Variants in LRP2 observed in about 807,000 individuals in gnomAD.
LRP2 encodes the protein low-density lipoprotein receptor-related protein 2.
A neutral mutation model predicts 531.0 loss-of-function variants in LRP2; 172 were observed. That is an observed-to-expected ratio of 0.32 (90% CI 0.29 to 0.37). The LOEUF is 0.37. Among genes scored for constraint, LRP2 ranks in the 10% least tolerant of loss-of-function variants. LRP2 has a pLI of 1.00. For synonymous variants in LRP2, 1,992 were observed against 2,027.6 expected (o/e 0.98, Z 0.47); for missense variants, 5,167 against 5,868.3 (o/e 0.88, Z 3.90).
In LRP2 at chr2:169,361,514, T is replaced by C. The variant is rs553791496; in HGVS notation, c.79+807A>G. ...CTCTCTCCTCTTCCCTTCTTACTAG[T>C]TTTATTCTCTCCGCTTCTTTCTCCC... is the stretch of plus-strand genomic sequence containing the variant. On this transcript the variant is annotated intron_variant, in intron 1 of 78. Transcript: ENST00000649046. 2.3e-3 allele frequency among the ~76,000 whole-genome samples: 355 copies of C among 152,096 alleles called. 1 individual carries two copies. The highest frequency in any genetic ancestry group is 8.2e-3 in the African/African-American group (342 of 41,464).
chr2:169,204,331 T>C (rs1688304729), intron 41 of LRP2, 60 bp from the exon 42 acceptor site: 3 of 1,530,674 alleles, frequency 2.0e-6, no homozygotes, highest in Non-Finnish European at 2.7e-6. Flanking sequence ...AGTTTTCAAC[T>C]GGCAGCCCAA....
intron 19 of LRP2, among the ~76,000 whole-genome samples, chr2:169,249,858 C>A (rs1690148855): frequency 1.8e-5 from 1 of 55,612 alleles, no homozygotes; most frequent in Non-Finnish European, 3.1e-5. Context: ...GCCTCAGGAG[C>A]CGATGTGATC....
At chr2:169,258,890 A>C in intron 17 of LRP2, 135 bp downstream of exon 17, 1 of 817,296 alleles carries the variant, frequency 1.2e-6, no homozygotes, top group Non-Finnish European at 2.0e-6. Context: ...AAAAGAAATA[A>C]AATTTAAGGT....
At position 169,318,918 on chromosome 2, in the gene LRP2, A is replaced by G. The variant is rs192877666; in HGVS notation, c.188-34T>C. The G allele has an allele frequency of 2.8e-5, 45 of 1,613,562 alleles. No homozygotes were observed. In the African/African-American group the frequency reaches 3.3e-4, roughly 12 times the overall value. On this transcript the variant is annotated intron_variant, in intron 2 of 78. Coordinates refer to ENST00000649046, the MANE Select transcript of LRP2 (RefSeq NM_004525.3). ...AACCAAAAGAGGACTCATTATGGCA[A>G]TCATCCTCCCCATTATACTAGCAAG...
chr2:169,321,393 A>G (rs1305385922), intron 1 of LRP2, among the ~76,000 whole-genome samples: 1 of 152,036 alleles, frequency 6.6e-6, no homozygotes, highest in Admixed American at 6.5e-5. Context: ...AAGTACTTAG[A>G]GAAATACTTA....
chr2:169,343,319 G>T (rs560587532), intron 1 of LRP2, among the ~76,000 whole-genome samples: 1 of 152,270 alleles, frequency 6.6e-6, no homozygotes, highest in Non-Finnish European at 1.5e-5. Flanking sequence ...ACATTTTTTT[G>T]TCTAGTAGTT....
chr2:169,243,173 C>T, intron 23 of LRP2, 101 bp from the exon 24 acceptor site: 2 of 1,031,230 alleles, frequency 1.9e-6, no homozygotes, highest in Non-Finnish European at 3.0e-6. Context: ...TTCTGGAGTA[C>T]ATATGCAGAA....
chr2:169,266,377 G>T (rs1690800733), intron 16 of LRP2, among the ~76,000 whole-genome samples: 2 of 152,060 alleles, frequency 1.3e-5, no homozygotes, highest in South Asian at 4.2e-4. Flanking sequence ...TGGATTAGGG[G>T]CAGGGGAGGG....
chr2:169,243,464 G>C lies in LRP2; in HGVS notation c.3489C>G (p.Asp1163Glu). ...TGTCACCATCACAGACAAACGATAG[G>C]TCAATACATCGATGATTGGGGCAAT... ...QFNCPNHRCI[D>E]LSFVCDGDKD... Residue 1163 changes from aspartate to glutamate, a missense_variant, in exon 23 of 79, where the codon GAC (aspartate) becomes GAG (glutamate). Physicochemically the swap from Asp to Glu is conservative, Grantham distance 45. This residue lies in a region of LRP2 where 2,811 missense variants were observed against 3,058.0 expected (regional missense o/e 0.92). Transcript: ENST00000649046. The C allele has an allele frequency of 6.2e-7, 1 of 1,614,096 alleles. No homozygotes were observed. Among genetic ancestry groups the C allele is most frequent in the East Asian group, 2.2e-5 (1 of 44,880 alleles).
At chr2:169,175,525 T>C in intron 54 of LRP2, 136 bp from the exon 55 acceptor site, 1 of 764,462 alleles carries the variant, frequency 1.3e-6, no homozygotes, top group East Asian at 2.7e-5. Context: ...ATCAATTAAA[T>C]CTCAGTTACA....
chr2:169,175,392 G>C lies in LRP2; in HGVS notation c.10572-3C>G. ...ATTTCCACCAGATAGGAATGCACCTGCACAGAGAACATACAGCACTTCTTT... is the reference window on the plus strand; with the variant it reads ...ATTTCCACCAGATAGGAATGCACCTCCACAGAGAACATACAGCACTTCTTT... On this transcript the variant is annotated splice_polypyrimidine_tract_variant and splice_region_variant and intron_variant, in intron 54 of 78. Coordinates refer to ENST00000649046, the MANE Select transcript of LRP2 (RefSeq NM_004525.3). 1 of 1,613,746 alleles carries C rather than the reference G, an allele frequency of 6.2e-7. No homozygotes were observed.
chr2:169,167,793 T>C (rs1686837059), intron 61 of LRP2, among the ~76,000 whole-genome samples: 1 of 151,606 alleles, frequency 6.6e-6, no homozygotes, highest in Non-Finnish European at 1.5e-5. Flanking sequence ...TGCAACAAAC[T>C]CTATTTACGT....
intron 33 of LRP2, among the ~76,000 whole-genome samples, chr2:169,221,453 G>C (rs915914559): frequency 6.6e-6 from 1 of 152,164 alleles, no homozygotes; most frequent in African/African-American, 2.4e-5. Flanking sequence ...ACAGGGCCCT[G>C]ATACAGCACA....
rs752426380 is a variant in LRP2, at chr2:169,188,076, C to T, written c.9222G>A (p.Thr3074=). The change falls in exon 49 of 79, where the codon ACG becomes ACA. Residue 3074 remains threonine, a synonymous_variant. Coordinates refer to ENST00000649046, the MANE Select transcript of LRP2 (RefSeq NM_004525.3). ...CACACTTGAACTCGTGAGGTGGACA[C>T]GTGGGTTCTGGGGTGTGGCACAGGT... ...LMHLCHTPEP[T]CPPHEFKCDN... 5 of 1,614,016 alleles carry T rather than the reference C, an allele frequency of 3.1e-6. No individual in the cohort carries two copies. Among genetic ancestry groups the T allele is most frequent in the African/African-American group, 1.3e-5 (1 of 74,904 alleles).
At chr2:169,182,474 T>C in intron 50 of LRP2, 155 bp from the exon 51 acceptor site, 1 of 1,530,822 alleles carries the variant, frequency 6.5e-7, no homozygotes, top group South Asian at 1.2e-5. Flanking sequence ...AAACAGGAAG[T>C]TTGTCTTCCT....
chr2:169,336,560 A>ACACG, intron 1 of LRP2, among the ~76,000 whole-genome samples: 1 of 151,630 alleles, frequency 6.6e-6, no homozygotes, highest in South Asian at 2.1e-4. Context: ...ACACACACAC[A>ACACG]CACACGCACA....
intron 16 of LRP2, among the ~76,000 whole-genome samples, chr2:169,268,907 T>A (rs1451932372): frequency 6.6e-6 from 1 of 152,152 alleles, no homozygotes; most frequent in South Asian, 2.1e-4. Context: ...CAGCAAAGTC[T>A]CAGGATACAA....
At position 169,132,267 on chromosome 2, in the gene LRP2, C is replaced by G. The variant is rs999641593; in HGVS notation, c.13728+307G>C. Among the ~76,000 whole-genome samples the G allele has an allele frequency of 2.0e-5, 3 of 152,140 alleles. No individual in the cohort carries two copies. In the South Asian group the frequency reaches 6.2e-4, roughly 31 times the overall value. ...CGTGAAATCTTTATTCATACTGAGT[C>G]AATTTCTCAACTTAAATGTCTCTGG... On this transcript the variant is annotated intron_variant, in intron 77 of 78. Transcript: ENST00000649046.
intron 20 of LRP2, 39 bp downstream of exon 20, chr2:169,247,339 C>T: frequency 1.9e-6 from 3 of 1,609,908 alleles, no homozygotes; most frequent in Non-Finnish European, 2.5e-6. Flanking sequence ...TAAATAAACC[C>T]ATACAAAAAA....
Sources: gnomAD v4.1 joint callset for allele counts (sites outside exome capture counted in the v4.1 genomes callset) on GRCh38, gnomAD v4.1.1 for gene constraint, gnomAD v4.1.1 regional missense constraint, MANE v1.5 for transcripts, NCBI Gene and HGNC (gene_info 2026-07-23, HGNC 2026-07-21) for gene names.